WNT2: variants seen among roughly 807,000 people sequenced by gnomAD.
WNT2 encodes the protein protein Wnt-2.
WNT2 carries 12 observed loss-of-function variants against 36.9 expected under a neutral mutation model. That is an observed-to-expected ratio of 0.33 (90% CI 0.21 to 0.53). The LOEUF is 0.53. Among genes scored for constraint, WNT2 ranks in the 20% least tolerant of loss-of-function variants. WNT2 has a pLI of 0.95. For synonymous variants in WNT2, 163 were observed against 174.6 expected (o/e 0.93, Z 0.52); for missense variants, 379 against 473.1 (o/e 0.80, Z 1.84).
intron 4 of WNT2, among the ~76,000 whole-genome samples, chr7:117,279,045 G>A (rs1794433458): frequency 6.6e-6 from 1 of 152,192 alleles, no homozygotes; most frequent in South Asian, 2.1e-4. Context: ...GAGGTCCCAG[G>A]CGAAGCCAGG....
At chr7:117,295,287 A>G (rs977992896) in intron 4 of WNT2, among the ~76,000 whole-genome samples, 1 of 152,118 alleles carries the variant, frequency 6.6e-6, no homozygotes, top group African/African-American at 2.4e-5. Flanking sequence ...TAACATACTC[A>G]CCTTATAGAC....
rs529296959 is a variant in WNT2, at chr7:117,285,722, G to A, written c.854-7338C>T. On this transcript the variant is annotated intron_variant, in intron 4 of 4. Coordinates refer to ENST00000265441, the MANE Select transcript of WNT2 (RefSeq NM_003391.3). ...TATTTGGATGCTTCACATTTAACAT[G>A]TTTGTTCTACAAAATCATTCATGTT... Among the ~76,000 whole-genome samples, 16 of 152,278 alleles carry A rather than the reference G, an allele frequency of 1.1e-4. No individual in the cohort carries two copies. The East Asian group carries it at 2.1e-3, about 20-fold the overall frequency.
At chr7:117,285,950 C>T (rs1345530448) in intron 4 of WNT2, among the ~76,000 whole-genome samples, 1 of 152,094 alleles carries the variant, frequency 6.6e-6, no homozygotes, top group South Asian at 2.1e-4. Flanking sequence ...ATCTTTATAC[C>T]AAACAATTGT....
At chr7:117,294,371 CT>C (rs1208853135) in intron 4 of WNT2, among the ~76,000 whole-genome samples, 1 of 152,176 alleles carries the variant, frequency 6.6e-6, no homozygotes, top group Non-Finnish European at 1.5e-5. Context: ...ACTATCTGGA[CT>C]TGTGCTTGCA....
intron 4 of WNT2, among the ~76,000 whole-genome samples, chr7:117,289,397 G>A (rs959656985): frequency 2.0e-5 from 3 of 152,188 alleles, no homozygotes; most frequent in Non-Finnish European, 4.4e-5. Flanking sequence ...AGCCAGGCAA[G>A]CAACATCTGA....
At chr7:117,305,956 G>T (rs1795006884) in intron 3 of WNT2, among the ~76,000 whole-genome samples, 1 of 152,152 alleles carries the variant, frequency 6.6e-6, no homozygotes, top group African/African-American at 2.4e-5. Flanking sequence ...TTCCATCAAT[G>T]GAATTTTCAG....
intron 2 of WNT2, among the ~76,000 whole-genome samples, chr7:117,319,240 A>C (rs1008946317): frequency 1.3e-5 from 2 of 152,224 alleles, no homozygotes; most frequent in African/African-American, 4.8e-5. Flanking sequence ...ATGAAGCTGA[A>C]ATTTATTATT....
intron 4 of WNT2, among the ~76,000 whole-genome samples, chr7:117,282,003 G>C (rs546741582): frequency 1.3e-5 from 2 of 152,276 alleles, no homozygotes; most frequent in African/African-American, 4.8e-5. Flanking sequence ...AAAAGCAAGG[G>C]TGGGACTTTA....
At position 117,276,256 on chromosome 7, in the gene WNT2, A is replaced by G. The variant is rs1794376268; in HGVS notation, c.*1899T>C. On this transcript the variant is annotated 3_prime_UTR_variant, in exon 5 of 5. Coordinates refer to ENST00000265441, the MANE Select transcript of WNT2 (RefSeq NM_003391.3). ...ATGATTTCACAGTTCATCCAGCAGG[A>G]GGAAGGGCTGATGGCTGTGGGACCC... is the stretch of plus-strand genomic sequence containing the variant. 6.6e-6 allele frequency among the ~76,000 whole-genome samples: 1 copy of G among 152,242 alleles called. No individual in the cohort carries two copies. The highest frequency in any genetic ancestry group is 1.5e-5 in the Non-Finnish European group (1 of 68,046).
At chr7:117,311,227 A>G (rs943032613) in intron 3 of WNT2, among the ~76,000 whole-genome samples, 9 of 152,216 alleles carry the variant, frequency 5.9e-5, no homozygotes, top group African/African-American at 2.2e-4. Flanking sequence ...AAACCGATAC[A>G]CATTCATTTT....
intron 4 of WNT2, among the ~76,000 whole-genome samples, chr7:117,285,903 C>T (rs1258517077): frequency 2.0e-5 from 3 of 152,170 alleles, no homozygotes; most frequent in East Asian, 1.9e-4. Flanking sequence ...AGCCCAACTC[C>T]CAGACACAGA....
At position 117,308,053 on chromosome 7, in the gene WNT2, C is replaced by T. The variant is rs540062880; in HGVS notation, c.588+7018G>A. Reference sequence around the variant, plus strand: ...TTAAAAACATATTATTTAATTTTCACCTGCTGGCTTGAAGCCAAGTACATT... The same window carrying T: ...TTAAAAACATATTATTTAATTTTCATCTGCTGGCTTGAAGCCAAGTACATT... On this transcript the variant is annotated intron_variant, in intron 3 of 4. Transcript: ENST00000265441. Among the ~76,000 whole-genome samples, 22 of 152,308 alleles carry T rather than the reference C, an allele frequency of 1.4e-4. No homozygotes were observed. The South Asian group carries it at 4.6e-3, about 32-fold the overall frequency.
chr7:117,314,531 T>C (rs1470006446), intron 3 of WNT2, among the ~76,000 whole-genome samples: 1 of 152,190 alleles, frequency 6.6e-6, no homozygotes, highest in African/African-American at 2.4e-5. Flanking sequence ...TGTCTTCTCC[T>C]GGTCCACTTA....
At chr7:117,299,072 T>C (rs147082069) in intron 3 of WNT2, among the ~76,000 whole-genome samples, 158 of 152,354 alleles carry the variant, frequency 1.0e-3, no homozygotes, top group African/African-American at 3.6e-3. Context: ...AGCATGTGCT[T>C]AGCTTGGCTC....
intron 4 of WNT2, among the ~76,000 whole-genome samples, chr7:117,295,114 A>AGAGACGAGACGAGACGAGAT (rs1794764124): frequency 6.6e-6 from 1 of 150,760 alleles, no homozygotes; most frequent in Non-Finnish European, 1.5e-5. Flanking sequence ...AGAAGAGAAG[A>AGAGACGAGACGAGACGAGAT]GAGACGAGAC....
chr7:117,317,818 G>A (rs1380996728), intron 2 of WNT2, among the ~76,000 whole-genome samples: 1 of 152,156 alleles, frequency 6.6e-6, no homozygotes, highest in Non-Finnish European at 1.5e-5. Context: ...TACCTAGGAA[G>A]GCAAAACTCT....
chr7:117,280,674 G>C (rs1205988363), intron 4 of WNT2, among the ~76,000 whole-genome samples: 1 of 152,158 alleles, frequency 6.6e-6, no homozygotes, highest in Non-Finnish European at 1.5e-5. Flanking sequence ...GTGTGGCCTT[G>C]GGCAAGTTAC....
chr7:117,299,554 G>A (rs1489798289), intron 3 of WNT2, among the ~76,000 whole-genome samples: 1 of 148,624 alleles, frequency 6.7e-6, no homozygotes, highest in Non-Finnish European at 1.5e-5. Context: ...GTGGAGTGGT[G>A]TGACTGTAGC....
chr7:117,306,514 G>A (rs1411120225), intron 3 of WNT2, among the ~76,000 whole-genome samples: 1 of 152,194 alleles, frequency 6.6e-6, no homozygotes, highest in East Asian at 1.9e-4. Context: ...CATAGCCCAT[G>A]ACACAGTCAC....
Sources: gnomAD v4.1 joint callset for allele counts (sites outside exome capture counted in the v4.1 genomes callset) on GRCh38, gnomAD v4.1.1 for gene constraint, MANE v1.5 for transcripts, NCBI Gene and HGNC (gene_info 2026-07-23, HGNC 2026-07-21) for gene names.